Variants in ZNF615 observed in about 807,000 individuals in gnomAD.
ZNF615 encodes zinc finger protein 615.
ZNF615 carries 15 observed loss-of-function variants against 15.3 expected under a neutral mutation model. The ratio of observed to expected loss-of-function variants is 0.98; its 90% CI spans 0.66 to 1.51. ZNF615 has a LOEUF of 1.51. Ranked by LOEUF, ZNF615 falls within the 40% of genes most tolerant of loss-of-function variation. ZNF615 has a pLI of 0.00. For synonymous variants in ZNF615, 268 were observed against 294.6 expected (o/e 0.91, Z 0.92); for missense variants, 848 against 895.9 (o/e 0.95, Z 0.68).
rs141412697 is a variant in ZNF615, at chr19:52,002,454, T to A, written c.16-173A>T. The stretch of plus-strand genomic sequence containing the variant: ...AAAATATTCTGTAACTGTGCGGTCA[T>A]CCATTCATTCAACAATGTTGAAAAG... On this transcript the variant is annotated intron_variant, in intron 3 of 6. Coordinates refer to ENST00000598071, the MANE Select transcript of ZNF615 (RefSeq NM_001199324.2). The A allele has an allele frequency of 1.5e-4, 131 of 896,160 alleles. No individual in the cohort carries two copies. In the African/African-American group the frequency reaches 1.8e-3, roughly 12 times the overall value. 55.5% of individuals were successfully genotyped at this position (896,160 alleles called of 1,614,324 possible).
At position 51,993,264 on chromosome 19, in the gene ZNF615, GC is replaced by G. The variant is rs2086293530; in HGVS notation, c.1844del (p.Gly615AlafsTer4). 1.2e-6 allele frequency: 2 copies of G among 1,613,934 alleles called. No individual in the cohort carries two copies. Among genetic ancestry groups the G allele is most frequent in the Non-Finnish European group, 1.7e-6 (2 of 1,180,008 alleles). On this transcript the variant is annotated frameshift_variant, in exon 7 of 7. Transcript: ENST00000598071. LOFTEE classifies it low-confidence loss of function (END_TRUNC). ...TACTGAGAGTACTCTTCATGGTGAA[GC>G]CCTTTCCACATTCATTGCATATATA... ...KPYICNECGKGFTMKSTLSIH... is the reference protein window; with the variant it reads ...KPYICNECGKXFTMKSTLSIH...
At chr19:52,002,427 G>T in intron 3 of ZNF615, 146 bp from the exon 4 acceptor site, 1 of 1,194,116 alleles carries the variant, frequency 8.4e-7, no homozygotes, top group Non-Finnish European at 1.2e-6. Flanking sequence ...AAGAATTCCA[G>T]TAAAATATTC....
intron 6 of ZNF615, among the ~76,000 whole-genome samples, chr19:51,998,665 GGT>G (rs2086509643): frequency 6.6e-6 from 1 of 152,048 alleles, no homozygotes; most frequent in East Asian, 1.9e-4. Context: ...ACAAGTTTTG[GGT>G]GTGTGGTGGA....
chr19:52,000,398 G>T lies in ZNF615; in HGVS notation c.239-20C>A. ...CTGAATCTAAAATAAAAACATAAAA[G>T]ATAAAATAAAATTAAAAAAATAAAA... is the stretch of plus-strand genomic sequence containing the variant. On this transcript the variant is annotated intron_variant, in intron 5 of 6. Transcript: ENST00000598071. The T allele has an allele frequency of 1.6e-6, 1 of 615,552 alleles. No individual in the cohort carries two copies. Among genetic ancestry groups the T allele is most frequent in the South Asian group, 2.0e-5 (1 of 49,922 alleles). 38.1% of individuals were successfully genotyped at this position (615,552 alleles called of 1,614,324 possible).
chr19:51,992,940 A>G lies in ZNF615; in HGVS notation c.2169T>C (p.Asp723=). Residue 723 remains aspartate, a synonymous_variant, in exon 7 of 7, where the codon GAT becomes GAC. Coordinates refer to ENST00000598071, the MANE Select transcript of ZNF615 (RefSeq NM_001199324.2). The part of the protein sequence containing the change: ...HTGERPYGCS[D]CGKAFAHLSI... Reference sequence around the variant, plus strand: ...ACAAGTGCGCAAAAGCTTTCCCACAATCACTACATCCATAGGGCCTCTCTC... The same window carrying G: ...ACAAGTGCGCAAAAGCTTTCCCACAGTCACTACATCCATAGGGCCTCTCTC... 1 of 1,614,126 alleles carries G rather than the reference A, an allele frequency of 6.2e-7. No individual in the cohort carries two copies. Among genetic ancestry groups the G allele is most frequent in the South Asian group, 1.1e-5 (1 of 91,078 alleles).
In ZNF615 at chr19:51,993,881, ATT is replaced by A. The variant is rs775975671; in HGVS notation, c.1226_1227del (p.Lys409IlefsTer5). The A allele has an allele frequency of 9.0e-5, 146 of 1,613,308 alleles. No homozygotes were observed. Among genetic ancestry groups the A allele is most frequent in the Non-Finnish European group, 1.2e-4 (138 of 1,179,836 alleles). ...ITHQQTHTGEKLYTCSECGKG... is the reference protein window; with the variant it reads ...ITHQQTHTGEXLYTCSECGKG... ...TTTCCACATTCACTACATGTATATA[ATT>A]TCTCTCCTGTATGAGTTTGCTGATG... On this transcript the variant is annotated frameshift_variant, in exon 7 of 7. Coordinates refer to ENST00000598071, the MANE Select transcript of ZNF615 (RefSeq NM_001199324.2). LOFTEE classifies it low-confidence loss of function (END_TRUNC).
rs1465766221 is a variant in ZNF615 at position 51,993,055 on chromosome 19, T to C, written c.2054A>G (p.His685Arg). The change falls in exon 7 of 7, where the codon CAC becomes CGC. Residue 685 changes from histidine to arginine, a missense_variant. Transcript: ENST00000598071. ...KNDLITHQRI[H>R]TGEKPYKCSD... ...GCATTTGTACGGTTTCTCTCCTGTG[T>C]GAATTCTCTGATGTGTAATAAGATC... The C allele has an allele frequency of 6.2e-7, 1 of 1,614,250 alleles. No individual in the cohort carries two copies. Among genetic ancestry groups the C allele is most frequent in the Admixed American group, 1.7e-5 (1 of 60,030 alleles).
At chr19:51,998,137 T>C (rs1599996077) in intron 6 of ZNF615, among the ~76,000 whole-genome samples, 1 of 152,222 alleles carries the variant, frequency 6.6e-6, no homozygotes, top group East Asian at 1.9e-4. Flanking sequence ...AACTCCCTAC[T>C]GTGTTCTCAA....
chr19:52,002,266 C>T lies in ZNF615; in HGVS notation c.31G>A (p.Glu11Lys), dbSNP rs1250910244. Residue 11 changes from glutamate (E) to lysine (K), a missense_variant, in exon 4 of 7, where the codon GAG (glutamate) becomes AAG (lysine). Glu to Lys is a moderately conservative substitution (Grantham distance 56, BLOSUM62 1). Coordinates refer to ENST00000598071, the MANE Select transcript of ZNF615 (RefSeq NM_001199324.2). ...CAGGTGAAGTCCACAGCCACATCCT[C>T]CAGTGTTAGGGATTCCTGTAATAAC... The part of the protein sequence containing the change: MMQAQESLTL[E>K]DVAVDFTWEE... 3.7e-6 allele frequency: 6 copies of T among 1,614,186 alleles called. No individual in the cohort carries two copies. In the East Asian group the frequency reaches 1.3e-4, roughly 36 times the overall value.
chr19:51,994,251 G>C lies in ZNF615; in HGVS notation c.858C>G (p.Leu286=), dbSNP rs774019097. The change falls in exon 7 of 7, where the codon CTC becomes CTG. Residue 286 remains leucine (L), a synonymous_variant. Coordinates refer to ENST00000598071, the MANE Select transcript of ZNF615 (RefSeq NM_001199324.2). The part of the protein sequence containing the change: ...CDKTFLKKSQ[L]NIHQKTHMGG... ...CCATATGAGTTTTCTGATGTATATT[G>C]AGCTGTGATTTCTTGAGGAAGGTTT... is the stretch of plus-strand genomic sequence containing the variant. 3 of 1,613,936 alleles carry C rather than the reference G, an allele frequency of 1.9e-6. No individual in the cohort carries two copies. The African/African-American group carries it at 4.0e-5, about 22-fold the overall frequency.
At chr19:52,003,928 CATT>C in intron 2 of ZNF615, 28 bp from the exon 3 acceptor site, 1 of 1,326,562 alleles carries the variant, frequency 7.5e-7, no homozygotes, top group Non-Finnish European at 9.6e-7. Context: ...CTGAGTGGTA[CATT>C]CTTTTTAGGC....
chr19:52,000,388 A>G lies in ZNF615; in HGVS notation c.239-10T>C. ...GATGCACCTCCTGAATCTAAAATAA[A>G]AACATAAAAGATAAAATAAAATTAA... is the stretch of plus-strand genomic sequence containing the variant. On this transcript the variant is annotated splice_polypyrimidine_tract_variant and intron_variant, in intron 5 of 6. Transcript: ENST00000598071. 1.6e-6 allele frequency: 1 copy of G among 628,712 alleles called. No homozygotes were observed. Among genetic ancestry groups the G allele is most frequent in the Non-Finnish European group, 2.9e-6 (1 of 344,758 alleles). The allele number at this position is 628,712 out of a possible 1,614,324, so 38.9% of individuals were successfully genotyped here. A position where few individuals can be genotyped will look rare whatever the true frequency, so the allele number is the denominator to read the frequency against.
Position 52,003,892 on chromosome 19 carries a change from A to T in ZNF615, c.-181T>A, listed in dbSNP as rs1338849133. On this transcript the variant is annotated 5_prime_UTR_variant, in exon 3 of 7. Transcript: ENST00000598071. ...TCACTTGATTTCTCTTGTTCTCAGC[A>T]CCTGTGGGCTGAAGAGCAAATTACT... The T allele has an allele frequency of 7.1e-7, 1 of 1,400,950 alleles. No individual in the cohort carries two copies. The allele number at this position is 1,400,950 out of a possible 1,614,324, so 86.8% of individuals were successfully genotyped here.
intron 2 of ZNF615, among the ~76,000 whole-genome samples, chr19:52,006,491 T>A (rs1486314657): frequency 2.0e-5 from 3 of 152,208 alleles, no homozygotes; most frequent in Non-Finnish European, 4.4e-5. Flanking sequence ...TACTCTACTT[T>A]ATACCGAACC....
intron 1 of ZNF615, among the ~76,000 whole-genome samples, chr19:52,007,797 G>A (rs1568508905): frequency 6.6e-6 from 1 of 152,074 alleles, no homozygotes; most frequent in Admixed American, 6.5e-5. Context: ...CCTCCAGTTC[G>A]CAATCACTGA....
intron 5 of ZNF615, 165 bp downstream of exon 5, chr19:52,001,648 G>T: frequency 1.7e-6 from 1 of 589,452 alleles, no homozygotes; most frequent in Non-Finnish European, 3.0e-6. Flanking sequence ...AAAGAAAGTG[G>T]GGCATATTTT....
chr19:52,001,982 T>A (rs943903050), intron 4 of ZNF615, 74 bp from the exon 5 acceptor site: 4 of 1,597,780 alleles, frequency 2.5e-6, no homozygotes, highest in Non-Finnish European at 2.6e-6. Context: ...AGAGTTACAT[T>A]TTAAGGACTA....
At chr19:52,005,472 C>T (rs2086727467) in intron 2 of ZNF615, among the ~76,000 whole-genome samples, 1 of 152,150 alleles carries the variant, frequency 6.6e-6, no homozygotes. Context: ...GTTTCCGTGG[C>T]AGCTACTCAA....
chr19:51,993,754 CT>C lies in ZNF615; in HGVS notation c.1354del (p.Ser452AlafsTer27). 2 of 1,613,984 alleles carry C rather than the reference CT, an allele frequency of 1.2e-6. No homozygotes were observed. The highest frequency in any genetic ancestry group is 8.5e-7 in the Non-Finnish European group (1 of 1,179,982). On this transcript the variant is annotated frameshift_variant, in exon 7 of 7. Transcript: ENST00000598071. LOFTEE classifies it low-confidence loss of function (END_TRUNC). ...NECGKGFALK[S>X]PLIRHQRTHT... ...TGTTCGCTGATGTCTGATGAGTGGG[CT>C]CTTCAAAGCGAAGCCCTTTCCACAC...
Sources: gnomAD v4.1 joint callset for allele counts (sites outside exome capture counted in the v4.1 genomes callset) on GRCh38, gnomAD v4.1.1 for gene constraint, MANE v1.5 for transcripts, NCBI Gene and HGNC (gene_info 2026-07-23, HGNC 2026-07-21) for gene names.